Variants in LMTK3 observed in about 807,000 individuals in gnomAD.
LMTK3 encodes the protein lemur tail kinase 3.
LMTK3 carries 27 observed loss-of-function variants against 116.7 expected under a neutral mutation model. The ratio of observed to expected loss-of-function variants is 0.23; its 90% confidence interval spans 0.17 to 0.32. The LOEUF is 0.32. Among genes scored for constraint, LMTK3 ranks in the 10% least tolerant of loss-of-function variants. The probability of loss-of-function intolerance (pLI) is 1.00; values close to 1 mark genes in which losing one functional copy is unlikely to be tolerated. For synonymous variants in LMTK3, 965 were observed against 971.0 expected (o/e 0.99, Z 0.11); for missense variants, 1,764 against 2,068.5 (o/e 0.85, Z 2.86).
intron 7 of LMTK3, among the ~76,000 whole-genome samples, chr19:48,502,052 CCCTCCCCTCCCCTGGCT>C (rs1356818211): frequency 8.7e-6 from 1 of 114,472 alleles, no homozygotes; most frequent in Non-Finnish European, 1.9e-5. Context: ...CTCTCCTGGC[CCCTCCCCTCCCCTGGCT>C]CCTCCTCCCC....
chr19:48,508,726 G>A, intron 5 of LMTK3, 125 bp downstream of exon 5: 1 of 779,924 alleles, frequency 1.3e-6, no homozygotes, highest in East Asian at 2.6e-5. Flanking sequence ...TTCAGGGAGG[G>A]AAGTTCTCCT....
intron 6 of LMTK3, 69 bp from the exon 7 acceptor site, chr19:48,502,650 G>A (rs1972493899): frequency 2.0e-6 from 3 of 1,485,822 alleles, no homozygotes; most frequent in Non-Finnish European, 2.7e-6. Flanking sequence ...CCCGGAGGCT[G>A]GAATGGCTTC....
chr19:48,488,529 C>T (rs1444872814), intron 14 of LMTK3, among the ~76,000 whole-genome samples: 1 of 152,048 alleles, frequency 6.6e-6, no homozygotes, highest in East Asian at 1.9e-4. Context: ...GTCCCAGCTC[C>T]TCAGTGCACC....
At position 48,491,333 on chromosome 19, in the gene LMTK3, C is replaced by T; in HGVS notation, c.4228+71G>A. 1 of 1,344,810 alleles carries T rather than the reference C, an allele frequency of 7.4e-7. No homozygotes were observed. The highest frequency in any genetic ancestry group is 3.1e-5 in the East Asian group (1 of 32,000). 83.3% of individuals were successfully genotyped at this position (1,344,810 alleles called of 1,614,324 possible). ...CCCGCCCCTCCCGACCAAGCCCCTCCCACCCCATAGACCCCGCCCCGTCCG... is the reference window on the plus strand; with the variant it reads ...CCCGCCCCTCCCGACCAAGCCCCTCTCACCCCATAGACCCCGCCCCGTCCG... On this transcript the variant is annotated intron_variant, in intron 13 of 14. Transcript: ENST00000600059. This position sits in a 1 kb window ranked among gnomAD's most constrained non-coding sequence, Gnocchi z 5.1.
chr19:48,507,037 C>A (rs1240478447), intron 5 of LMTK3, among the ~76,000 whole-genome samples: 1 of 152,180 alleles, frequency 6.6e-6, no homozygotes, highest in African/African-American at 2.4e-5. Flanking sequence ...GGCAGTCTGC[C>A]CGCCTTGGCC....
In LMTK3 at chr19:48,497,564, T is replaced by A; in HGVS notation, c.3505A>T (p.Arg1169Trp). The change falls in exon 11 of 15, where the codon AGG becomes TGG. Residue 1169 changes from arginine to tryptophan, a missense_variant. Around this residue, in one of 7 missense-constraint regions of LMTK3, gnomAD observed 1,028 missense variants for 1,050.6 expected, o/e 0.98. Transcript: ENST00000600059. This position sits in a 1 kb window ranked among gnomAD's most constrained non-coding sequence, Gnocchi z 5.7. ...TCTCCCTCGGGGGCCACCTCCGGCC[T>A]GGCTCTCGGGGGCGCTGGCTCCAGC... is the stretch of plus-strand genomic sequence containing the variant. ...RRLEPAPPRA[R>W]PEVAPEGEPG... 1 of 1,355,604 alleles carries A rather than the reference T, an allele frequency of 7.4e-7. No individual in the cohort carries two copies. The highest frequency in any genetic ancestry group is 2.0e-5 in the South Asian group (1 of 50,342). 84.0% of individuals were successfully genotyped at this position (1,355,604 alleles called of 1,614,324 possible).
At position 48,493,683 on chromosome 19, in the gene LMTK3, G is replaced by A. The variant is rs781190733; in HGVS notation, c.4092+11C>T. The A allele has an allele frequency of 3.8e-6, 6 of 1,560,034 alleles. No individual in the cohort carries two copies. The highest frequency in any genetic ancestry group is 4.3e-6 in the Non-Finnish European group (5 of 1,153,856). ...CGCGACCCCGAAACCGCGCCCTCTC[G>A]GGTTCCGCACCTGGTCGAAGAGGTA... is the stretch of plus-strand genomic sequence containing the variant. On this transcript the variant is annotated intron_variant, in intron 12 of 14. Coordinates refer to ENST00000600059, the MANE Select transcript of LMTK3 (RefSeq NM_001388485.1).
chr19:48,489,356 T>C (rs1972180437), intron 14 of LMTK3, among the ~76,000 whole-genome samples: 1 of 152,134 alleles, frequency 6.6e-6, no homozygotes, highest in Admixed American at 6.5e-5. Context: ...GCAGATCGCC[T>C]GAGGTCTGGA....
Position 48,493,900 on chromosome 19 carries a change from CG to C in LMTK3, c.3885del (p.Ala1296ArgfsTer20). ...CCGGGGCCCCGCGGCCCCGCCGCCGCGCCCGGCGCCGCCGCCTCCTCGTCCT... is the reference window on the plus strand; with the variant it reads ...CCGGGGCCCCGCGGCCCCGCCGCCGCCCCGGCGCCGCCGCCTCCTCGTCCT... ...EEEDEEAAAPGAAAGPRGPGR... is the reference protein window; with the variant it reads ...EEEDEEAAAPXAAAGPRGPGR... On this transcript the variant is annotated frameshift_variant, in exon 12 of 15. Coordinates refer to ENST00000600059, the MANE Select transcript of LMTK3 (RefSeq NM_001388485.1). LOFTEE classifies it high-confidence loss of function. 1 of 1,030,542 alleles carries C rather than the reference CG, an allele frequency of 9.7e-7. No homozygotes were observed. The highest frequency in any genetic ancestry group is 1.2e-6 in the Non-Finnish European group (1 of 862,978). 63.8% of individuals were successfully genotyped at this position (1,030,542 alleles called of 1,614,324 possible). A position where few individuals can be genotyped will look rare whatever the true frequency, so the allele number is the denominator to read the frequency against.
intron 14 of LMTK3, among the ~76,000 whole-genome samples, chr19:48,486,859 T>TTG (rs1972132963): frequency 6.6e-6 from 1 of 151,304 alleles, no homozygotes; most frequent in African/African-American, 2.4e-5. Flanking sequence ...GTTTGTTTTT[T>TTG]GGGGGGGTTT....
In LMTK3 at chr19:48,490,164, G is replaced by C. The variant is rs145613991; in HGVS notation, c.4366+944C>G. 9.2e-5 allele frequency among the ~76,000 whole-genome samples: 14 copies of C among 152,268 alleles called. 1 individual carries two copies. The East Asian group carries it at 2.3e-3, about 25-fold the overall frequency. On this transcript the variant is annotated intron_variant, in intron 14 of 14. Coordinates refer to ENST00000600059, the MANE Select transcript of LMTK3 (RefSeq NM_001388485.1). Reference sequence around the variant, plus strand: ...GAGAGGGCACAGACTCAGAGGCCGCGCAACTGTGGGTTTGAATCCCAGCTC... The same window carrying C: ...GAGAGGGCACAGACTCAGAGGCCGCCCAACTGTGGGTTTGAATCCCAGCTC...
intron 1 of LMTK3, among the ~76,000 whole-genome samples, chr19:48,511,014 C>A (rs1972649471): frequency 6.6e-6 from 1 of 152,182 alleles, no homozygotes; most frequent in East Asian, 1.9e-4. Flanking sequence ...ATTCTTGCCC[C>A]ATGCTGGAAC....
chr19:48,487,009 G>T (rs551715991), intron 14 of LMTK3, among the ~76,000 whole-genome samples: 3 of 151,114 alleles, frequency 2.0e-5, no homozygotes, highest in African/African-American at 7.3e-5. Flanking sequence ...GGGATTGCAG[G>T]TGCCTGCCAC....
Position 48,499,733 on chromosome 19 carries a change from T to C in LMTK3, c.1336A>G (p.Thr446Ala). 7.5e-7 allele frequency: 1 copy of C among 1,330,270 alleles called. No homozygotes were observed. The allele number at this position is 1,330,270 out of a possible 1,614,324, so 82.4% of individuals were successfully genotyped here. A position where few individuals can be genotyped will look rare whatever the true frequency, so the allele number is the denominator to read the frequency against. ...PPAHSAPRPGTLSSPFPLLDG... is the reference protein window; with the variant it reads ...PPAHSAPRPGALSSPFPLLDG... Reference sequence around the variant, plus strand: ...AGTAGGGGGAACGGTGAGGAGAGGGTCCCCGGGCGGGGCGCACTGTGTGCA... The same window carrying C: ...AGTAGGGGGAACGGTGAGGAGAGGGCCCCCGGGCGGGGCGCACTGTGTGCA... Residue 446 changes from threonine (T) to alanine (A), a missense_variant, in exon 11 of 15, where the codon ACC (threonine) becomes GCC (alanine). Thr to Ala is a moderately conservative substitution (Grantham distance 58). Transcript: ENST00000600059.
intron 12 of LMTK3, among the ~76,000 whole-genome samples, chr19:48,493,327 C>A (rs535176583): frequency 2.1e-5 from 3 of 142,392 alleles, no homozygotes; most frequent in Admixed American, 7.0e-5. Context: ...CCGCCCTGGG[C>A]TCCGCCCCCC....
Position 48,499,594 on chromosome 19 carries a change from C to A in LMTK3, c.1475G>T (p.Gly492Val), listed in dbSNP as rs946719192. The A allele has an allele frequency of 2.6e-6, 4 of 1,537,572 alleles. No homozygotes were observed. Among genetic ancestry groups the A allele is most frequent in the African/African-American group, 1.4e-5 (1 of 71,406 alleles). Residue 492 changes from glycine to valine, a missense_variant, in exon 11 of 15, where the codon GGG becomes GTG. Around this residue, in one of 7 missense-constraint regions of LMTK3, gnomAD observed 1,028 missense variants for 1,050.6 expected, o/e 0.98. Transcript: ENST00000600059. ...CGCCGGCTGCCAGGCAGGTGCCCCC[C>A]CACCCCGGCCGGCCCCACGCCGGGC... ...EKARRGAGRG[G>V]GAPAWQPASA... is the part of the protein sequence containing the mutation.
Position 48,498,332 on chromosome 19 carries a change from C to A in LMTK3, c.2737G>T (p.Gly913Trp), listed in dbSNP as rs776969963. 4 of 1,613,262 alleles carry A rather than the reference C, an allele frequency of 2.5e-6. No individual in the cohort carries two copies. ...AGGCTCAGGCTTGGGGCTTGTTTCC[C>A]GTTGCCCAGGACTGTCGGGTCCCTG... is the stretch of plus-strand genomic sequence containing the variant. ...LNRDPTVLGNGKQAPSLSLPV... is the reference protein window; with the variant it reads ...LNRDPTVLGNWKQAPSLSLPV... The change falls in exon 11 of 15, where the codon GGG becomes TGG. Residue 913 changes from glycine to tryptophan, a missense_variant. Physicochemically the swap from Gly to Trp is radical, Grantham distance 184 (BLOSUM62 -2). Around this residue, in one of 7 missense-constraint regions of LMTK3, gnomAD observed 1,028 missense variants for 1,050.6 expected, o/e 0.98. Coordinates refer to ENST00000600059, the MANE Select transcript of LMTK3 (RefSeq NM_001388485.1).
At position 48,498,130 on chromosome 19, in the gene LMTK3, C is replaced by T; in HGVS notation, c.2939G>A (p.Arg980Lys). The change falls in exon 11 of 15, where the codon AGG becomes AAG. Residue 980 changes from arginine to lysine, a missense_variant. Physicochemically the swap from Arg to Lys is conservative, Grantham distance 26. Around this residue, in one of 7 missense-constraint regions of LMTK3, gnomAD observed 1,028 missense variants for 1,050.6 expected, o/e 0.98. Transcript: ENST00000600059. ...EEKALENGEL[R>K]SPEAGEKVLV... ...CACCTTCTCCCCGGCCTCTGGGGAC[C>T]TCAGCTCCCCATTCTCCAGCGCTTT... is the stretch of plus-strand genomic sequence containing the variant. The T allele has an allele frequency of 1.2e-6, 2 of 1,613,650 alleles. No homozygotes were observed. The highest frequency in any genetic ancestry group is 1.7e-6 in the Non-Finnish European group (2 of 1,179,824).
Position 48,499,092 on chromosome 19 carries a change from A to T in LMTK3, c.1977T>A (p.Gly659=). The T allele has an allele frequency of 6.4e-7, 1 of 1,551,316 alleles. No individual in the cohort carries two copies. The highest frequency in any genetic ancestry group is 2.4e-5 in the East Asian group (1 of 41,388). Residue 659 remains glycine, a synonymous_variant, in exon 11 of 15, where the codon GGT becomes GGA. Transcript: ENST00000600059. The part of the protein sequence containing the change: ...SPGEDSSSLG[G]GPSRRGPLPC... ...GTAGGGGACCCCGGCGGCTTGGGCC[A>T]CCTCCAAGGCTGCTGCTGTCTTCCC...
Sources: gnomAD v4.1 joint callset for allele counts (sites outside exome capture counted in the v4.1 genomes callset) on GRCh38, gnomAD v4.1.1 for gene constraint, gnomAD v4.1.1 regional missense constraint, Gnocchi (gnomAD v3.1) non-coding constraint, MANE v1.5 for transcripts, NCBI Gene and HGNC (gene_info 2026-07-23, HGNC 2026-07-21) for gene names.